Variants in ERVV-1 observed in about 807,000 individuals in gnomAD.
The protein encoded by ERVV-1 is endogenous retrovirus group V member 1 Env polyprotein.
For synonymous variants in ERVV-1, 59 were observed against 170.2 expected (o/e 0.35, Z 5.09); for missense variants, 150 against 456.5 (o/e 0.33, Z 6.12).
Position 53,015,283 on chromosome 19 carries a change from T to A in ERVV-1, c.1193T>A (p.Val398Asp), listed in dbSNP as rs1216173605. The change falls in exon 1 of 1, where the codon GTC becomes GAC. Residue 398 changes from valine to aspartate, a missense_variant. Val to Asp is a radical substitution (Grantham distance 152, BLOSUM62 -3). Coordinates refer to ENST00000602168, the MANE Select transcript of ERVV-1 (RefSeq NM_152473.3). Reference sequence around the variant, plus strand: ...TACCTCTTAGCAGAGCAGGGTGGAGTCTGTGCAGTGATCAGTAAATCCTGT... The same window carrying A: ...TACCTCTTAGCAGAGCAGGGTGGAGACTGTGCAGTGATCAGTAAATCCTGT... Reference protein sequence around the residue: ...LDYLLAEQGGVCAVISKSCCI... With the variant: ...LDYLLAEQGGDCAVISKSCCI... The A allele has an allele frequency of 1.1e-5, 8 of 715,796 alleles. No individual in the cohort carries two copies. In the Middle Eastern group the frequency reaches 6.8e-4, roughly 61 times the overall value. The allele number at this position is 715,796 out of a possible 1,614,324, so 44.3% of individuals were successfully genotyped here.
At position 53,014,006 on chromosome 19, in the gene ERVV-1, C is replaced by A. The variant is rs977625119; in HGVS notation, c.-85C>A. On this transcript the variant is annotated 5_prime_UTR_variant, in exon 1 of 1. Transcript: ENST00000602168. The stretch of plus-strand genomic sequence containing the variant: ...GATAACAGCCTGATTTCTCACTAAA[C>A]ACTCCATCGAACCATTTCATTATTT... 8 of 1,529,220 alleles carry A rather than the reference C, an allele frequency of 5.2e-6. No homozygotes were observed. The African/African-American group carries it at 8.2e-5, about 16-fold the overall frequency. 94.7% of individuals were successfully genotyped at this position (1,529,220 alleles called of 1,614,324 possible).
In ERVV-1 at chr19:53,015,945, G is replaced by C. The variant is rs1204362786; in HGVS notation, c.*421G>C. On this transcript the variant is annotated 3_prime_UTR_variant, in exon 1 of 1. Transcript: ENST00000602168. ...GCACGCTGAGTCAGCAAAAGGAGGA[G>C]CGTGGCTACACTGGCTACACCTGGC... 5.9e-6 allele frequency: 1 copy of C among 169,588 alleles called. No homozygotes were observed. Among genetic ancestry groups the C allele is most frequent in the Non-Finnish European group, 1.2e-5 (1 of 80,916 alleles). 10.5% of individuals were successfully genotyped at this position (169,588 alleles called of 1,614,324 possible). A position where few individuals can be genotyped will look rare whatever the true frequency, so the allele number is the denominator to read the frequency against.
rs1326481212 is a variant in ERVV-1 at position 53,015,252 on chromosome 19, T to C, written c.1162T>C (p.Leu388=). 5.3e-6 allele frequency: 4 copies of C among 754,760 alleles called. No individual in the cohort carries two copies. The East Asian group carries it at 1.1e-4, about 20-fold the overall frequency. 46.8% of individuals were successfully genotyped at this position (754,760 alleles called of 1,614,324 possible). ...TGTAGTCATGAACAACAGATTGGCC[T>C]TAGATTACCTCTTAGCAGAGCAGGG... ...ANVVMNNRLA[L]DYLLAEQGGV... is the part of the protein sequence containing the mutation. Residue 388 remains leucine, a synonymous_variant, in exon 1 of 1, where the codon TTA becomes CTA. Transcript: ENST00000602168.
Position 53,014,685 on chromosome 19 carries a change from T to C in ERVV-1, c.595T>C (p.Leu199=). The C allele has an allele frequency of 6.5e-7, 1 of 1,530,542 alleles. No individual in the cohort carries two copies. Among genetic ancestry groups the C allele is most frequent in the Non-Finnish European group, 8.7e-7 (1 of 1,146,706 alleles). The allele number at this position is 1,530,542 out of a possible 1,614,324, so 94.8% of individuals were successfully genotyped here. A position where few individuals can be genotyped will look rare whatever the true frequency, so the allele number is the denominator to read the frequency against. Residue 199 remains leucine, a synonymous_variant, in exon 1 of 1, where the codon TTG becomes CTG. Transcript: ENST00000602168. The part of the protein sequence containing the change: ...KELITWRVLY[L]LPKAHTVPTW... ...GCTAATCACATGGAGGGTTCTATAT[T>C]TGCTTCCCAAGGCACACACTGTCCC...
chr19:53,015,368 G>A lies in ERVV-1; in HGVS notation c.1278G>A (p.Glu426=), dbSNP rs895815370. Residue 426 remains glutamate, a synonymous_variant, in exon 1 of 1, where the codon GAG becomes GAA. Transcript: ENST00000602168. ...AGGATATAAAAAAGATCTATGATGA[G>A]GTTACGTGGCTCCATAACTTTGGAA... ...IEEDIKKIYD[E]VTWLHNFGKG... is the part of the protein sequence containing the mutation. 2 of 704,258 alleles carry A rather than the reference G, an allele frequency of 2.8e-6. No individual in the cohort carries two copies. Among genetic ancestry groups the A allele is most frequent in the Non-Finnish European group, 5.2e-6 (2 of 386,230 alleles). The allele number at this position is 704,258 out of a possible 1,614,324, so 43.6% of individuals were successfully genotyped here.
At position 53,015,693 on chromosome 19, in the gene ERVV-1, G is replaced by A; in HGVS notation, c.*169G>A. Reference sequence around the variant, plus strand: ...GCAACTACGGAGGGGCTCCTTCCCTGACAGAGAGCAAGAGAGGGAGACCCT... The same window carrying A: ...GCAACTACGGAGGGGCTCCTTCCCTAACAGAGAGCAAGAGAGGGAGACCCT... On this transcript the variant is annotated 3_prime_UTR_variant, in exon 1 of 1. Transcript: ENST00000602168. 1 of 563,340 alleles carries A rather than the reference G, an allele frequency of 1.8e-6. No individual in the cohort carries two copies. The highest frequency in any genetic ancestry group is 3.1e-6 in the Non-Finnish European group (1 of 321,930). 34.9% of individuals were successfully genotyped at this position (563,340 alleles called of 1,614,324 possible). A position where few individuals can be genotyped will look rare whatever the true frequency, so the allele number is the denominator to read the frequency against.
At position 53,015,667 on chromosome 19, in the gene ERVV-1, T is replaced by A; in HGVS notation, c.*143T>A. 1.7e-6 allele frequency: 1 copy of A among 574,174 alleles called. No individual in the cohort carries two copies. Among genetic ancestry groups the A allele is most frequent in the Non-Finnish European group, 3.1e-6 (1 of 327,108 alleles). 35.6% of individuals were successfully genotyped at this position (574,174 alleles called of 1,614,324 possible). On this transcript the variant is annotated 3_prime_UTR_variant, in exon 1 of 1. Transcript: ENST00000602168. ...CTTGGATGCCAGTGGGCAAAGATTCTGCAACTACGGAGGGGCTCCTTCCCT... is the reference window on the plus strand; with the variant it reads ...CTTGGATGCCAGTGGGCAAAGATTCAGCAACTACGGAGGGGCTCCTTCCCT...
rs1317545359 is a variant in ERVV-1 at position 53,014,677 on chromosome 19, T to C, written c.587T>C (p.Val196Ala). Residue 196 changes from valine (V) to alanine (A), a missense_variant, in exon 1 of 1, where the codon GTT becomes GCT. Coordinates refer to ENST00000602168, the MANE Select transcript of ERVV-1 (RefSeq NM_152473.3). Reference sequence around the variant, plus strand: ...GGAAAAGAGCTAATCACATGGAGGGTTCTATATTTGCTTCCCAAGGCACAC... The same window carrying C: ...GGAAAAGAGCTAATCACATGGAGGGCTCTATATTTGCTTCCCAAGGCACAC... ...WEGKELITWR[V>A]LYLLPKAHTV... The C allele has an allele frequency of 1.3e-6, 2 of 1,529,748 alleles. No homozygotes were observed. The highest frequency in any genetic ancestry group is 1.7e-6 in the Non-Finnish European group (2 of 1,146,640). The allele number at this position is 1,529,748 out of a possible 1,614,324, so 94.8% of individuals were successfully genotyped here. A position where few individuals can be genotyped will look rare whatever the true frequency, so the allele number is the denominator to read the frequency against.
In ERVV-1 at chr19:53,015,737, C is replaced by G. The variant is rs577240593; in HGVS notation, c.*213C>G. 210 of 497,670 alleles carry G rather than the reference C, an allele frequency of 4.2e-4. No homozygotes were observed. The highest frequency in any genetic ancestry group is 3.9e-3 in the African/African-American group (196 of 50,426). The allele number at this position is 497,670 out of a possible 1,614,324, so 30.8% of individuals were successfully genotyped here. The stretch of plus-strand genomic sequence containing the variant: ...AGACCCTGATGACTTCTTCGTCCCA[C>G]GTCAGCAGGAAGTAGTTACAGAAGA... On this transcript the variant is annotated 3_prime_UTR_variant, in exon 1 of 1. Coordinates refer to ENST00000602168, the MANE Select transcript of ERVV-1 (RefSeq NM_152473.3).
chr19:53,015,312 A>C lies in ERVV-1; in HGVS notation c.1222A>C (p.Ile408Leu). Residue 408 changes from isoleucine (I) to leucine (L), a missense_variant, in exon 1 of 1, where the codon ATT becomes CTT. Physicochemically the swap from Ile to Leu is conservative, Grantham distance 5. Transcript: ENST00000602168. ...VCAVISKSCC[I>L]YVNNSGAIEE... ...TGCAGTGATCAGTAAATCCTGTTGCATTTATGTCAATAACAGTGGGGCGAT... is the reference window on the plus strand; with the variant it reads ...TGCAGTGATCAGTAAATCCTGTTGCCTTTATGTCAATAACAGTGGGGCGAT... The C allele has an allele frequency of 2.8e-6, 2 of 707,550 alleles. No homozygotes were observed. The highest frequency in any genetic ancestry group is 5.1e-6 in the Non-Finnish European group (2 of 389,254). 43.8% of individuals were successfully genotyped at this position (707,550 alleles called of 1,614,324 possible). A position where few individuals can be genotyped will look rare whatever the true frequency, so the allele number is the denominator to read the frequency against.
chr19:53,015,390 G>A lies in ERVV-1; in HGVS notation c.1300G>A (p.Gly434Arg). The change falls in exon 1 of 1, where the codon GGA becomes AGA. Residue 434 changes from glycine (G) to arginine (R), a missense_variant. Transcript: ENST00000602168. ...TGAGGTTACGTGGCTCCATAACTTT[G>A]GAAAAGGTGATTCAGCAGGGTCCAT... ...YDEVTWLHNF[G>R]KGDSAGSIWE... 4 of 703,488 alleles carry A rather than the reference G, an allele frequency of 5.7e-6. No individual in the cohort carries two copies. The highest frequency in any genetic ancestry group is 1.0e-5 in the Non-Finnish European group (4 of 385,498). 43.6% of individuals were successfully genotyped at this position (703,488 alleles called of 1,614,324 possible).
Position 53,015,172 on chromosome 19 carries a change from A to T in ERVV-1, c.1082A>T (p.Lys361Met). 1.3e-6 allele frequency: 1 copy of T among 741,010 alleles called. No homozygotes were observed. The highest frequency in any genetic ancestry group is 2.4e-6 in the Non-Finnish European group (1 of 423,234). The allele number at this position is 741,010 out of a possible 1,614,324, so 45.9% of individuals were successfully genotyped here. The change falls in exon 1 of 1, where the codon AAG becomes ATG. Residue 361 changes from lysine (K) to methionine (M), a missense_variant. Coordinates refer to ENST00000602168, the MANE Select transcript of ERVV-1 (RefSeq NM_152473.3). ...TCCAGACAAATAGACAACATAGCTA[A>T]GAGTACCAGAGATAGCATCTCTAAA... ...NLSRQIDNIA[K>M]STRDSISKLK... is the part of the protein sequence containing the mutation.
rs1354769843 is a variant in ERVV-1 at position 53,015,345 on chromosome 19, G to A, written c.1255G>A (p.Asp419Asn). The change falls in exon 1 of 1, where the codon GAT (aspartate) becomes AAT (asparagine). Residue 419 changes from aspartate (D) to asparagine (N), a missense_variant. Transcript: ENST00000602168. ...CAATAACAGTGGGGCGATAGAGGAG[G>A]ATATAAAAAAGATCTATGATGAGGT... ...YVNNSGAIEE[D>N]IKKIYDEVTW... is the part of the protein sequence containing the mutation. 2 of 705,024 alleles carry A rather than the reference G, an allele frequency of 2.8e-6. No homozygotes were observed. Among genetic ancestry groups the A allele is most frequent in the Admixed American group, 4.0e-5 (2 of 49,986 alleles). 43.7% of individuals were successfully genotyped at this position (705,024 alleles called of 1,614,324 possible).
the ERVV-1 span, chr19:53,014,422 CTTCT>C: frequency 3.6e-5 from 32 of 886,254 alleles, no homozygotes; most frequent in Middle Eastern, 3.3e-4. Flanking sequence ...AGCTCTAAAA[CTTCT>C]TTCTATTTCT....
rs762721140 is a variant in ERVV-1 at position 53,016,116 on chromosome 19, A to G, written c.*592A>G. 3.3e-5 allele frequency: 5 copies of G among 152,452 alleles called. No individual in the cohort carries two copies. The highest frequency in any genetic ancestry group is 4.1e-4 in the South Asian group (2 of 4,826). 9.4% of individuals were successfully genotyped at this position (152,452 alleles called of 1,614,324 possible). A position where few individuals can be genotyped will look rare whatever the true frequency, so the allele number is the denominator to read the frequency against. On this transcript the variant is annotated 3_prime_UTR_variant, in exon 1 of 1. Transcript: ENST00000602168. ...TACCATTTTGTTCATTAAAATAATAAAAAAAACCACACACCTGTGTGGAGA... is the reference window on the plus strand; with the variant it reads ...TACCATTTTGTTCATTAAAATAATAGAAAAAACCACACACCTGTGTGGAGA...
In ERVV-1 at chr19:53,015,369, G is replaced by A; in HGVS notation, c.1279G>A (p.Val427Ile). The change falls in exon 1 of 1, where the codon GTT (valine) becomes ATT (isoleucine). Residue 427 changes from valine (V) to isoleucine (I), a missense_variant. Coordinates refer to ENST00000602168, the MANE Select transcript of ERVV-1 (RefSeq NM_152473.3). ...GGATATAAAAAAGATCTATGATGAGGTTACGTGGCTCCATAACTTTGGAAA... is the reference window on the plus strand; with the variant it reads ...GGATATAAAAAAGATCTATGATGAGATTACGTGGCTCCATAACTTTGGAAA... The part of the protein sequence containing the change: ...EEDIKKIYDE[V>I]TWLHNFGKGD... The A allele has an allele frequency of 1.4e-6, 1 of 704,102 alleles. No individual in the cohort carries two copies. Among genetic ancestry groups the A allele is most frequent in the Non-Finnish European group, 2.6e-6 (1 of 386,122 alleles). 43.6% of individuals were successfully genotyped at this position (704,102 alleles called of 1,614,324 possible).
At position 53,015,626 on chromosome 19, in the gene ERVV-1, A is replaced by G. The variant is rs1451697679; in HGVS notation, c.*102A>G. On this transcript the variant is annotated 3_prime_UTR_variant, in exon 1 of 1. Coordinates refer to ENST00000602168, the MANE Select transcript of ERVV-1 (RefSeq NM_152473.3). ...ATCTTCCTTGGAGGTCCCAGCACCT[A>G]CAAGTACATATCTCCCTTGGATGCC... 1.7e-5 allele frequency: 10 copies of G among 602,758 alleles called. No homozygotes were observed. The highest frequency in any genetic ancestry group is 2.6e-5 in the Non-Finnish European group (9 of 340,606). The allele number at this position is 602,758 out of a possible 1,614,324, so 37.3% of individuals were successfully genotyped here.
rs540326579 is a variant in ERVV-1, at chr19:53,015,205, C to T, written c.1115C>T (p.Ala372Val). 171 of 769,724 alleles carry T rather than the reference C, an allele frequency of 2.2e-4. No individual in the cohort carries two copies. In the Middle Eastern group the frequency reaches 0.01, roughly 46 times the overall value. 47.7% of individuals were successfully genotyped at this position (769,724 alleles called of 1,614,324 possible). ...AGAGATAGCATCTCTAAACTCAAGG[C>T]CTCCATAGATTCTCTAGCAAATGTA... ...STRDSISKLK[A>V]SIDSLANVVM... is the part of the protein sequence containing the mutation. Residue 372 changes from alanine to valine, a missense_variant, in exon 1 of 1, where the codon GCC becomes GTC. Transcript: ENST00000602168.
Position 53,015,306 on chromosome 19 carries a change from T to C in ERVV-1, c.1216T>C (p.Cys406Arg). 1 of 709,386 alleles carries C rather than the reference T, an allele frequency of 1.4e-6. No individual in the cohort carries two copies. Among genetic ancestry groups the C allele is most frequent in the Admixed American group, 2.0e-5 (1 of 50,022 alleles). The allele number at this position is 709,386 out of a possible 1,614,324, so 43.9% of individuals were successfully genotyped here. ...GGVCAVISKS[C>R]CIYVNNSGAI... Reference sequence around the variant, plus strand: ...AGTCTGTGCAGTGATCAGTAAATCCTGTTGCATTTATGTCAATAACAGTGG... The same window carrying C: ...AGTCTGTGCAGTGATCAGTAAATCCCGTTGCATTTATGTCAATAACAGTGG... Residue 406 changes from cysteine (C) to arginine (R), a missense_variant, in exon 1 of 1, where the codon TGT becomes CGT. Physicochemically the swap from Cys to Arg is radical, Grantham distance 180. Transcript: ENST00000602168.
Sources: gnomAD v4.1 joint callset for allele counts on GRCh38, gnomAD v4.1.1 for gene constraint, MANE v1.5 for transcripts, NCBI Gene and HGNC (gene_info 2026-07-23, HGNC 2026-07-21) for gene names.